HSD17B12: variants seen among roughly 807,000 people sequenced by gnomAD.
HSD17B12 encodes the protein very-long-chain 3-oxoacyl-CoA reductase.
HSD17B12 carries 32 observed loss-of-function variants against 39.3 expected under a neutral mutation model. That is an observed-to-expected ratio of 0.81 (90% CI 0.61 to 1.09). The LOEUF (loss-of-function observed/expected upper bound fraction) is 1.09, where lower values mean the gene tolerates loss of function less well. Ranked by LOEUF, HSD17B12 falls within the 50% of genes least tolerant of loss-of-function variation. The pLI, the probability that HSD17B12 is intolerant of heterozygous loss-of-function variation, is 0.00. For synonymous variants in HSD17B12, 150 were observed against 146.7 expected, an observed-to-expected ratio of 1.02 and a Z score of -0.16; for missense variants, 342 against 382.9, an observed-to-expected ratio of 0.89 and a Z score of 0.89.
chr11:43,586,262 G>A, the HSD17B12 span, among the ~76,000 whole-genome samples: 3 of 152,146 alleles, frequency 2.0e-5, no homozygotes, highest in Non-Finnish European at 2.9e-5. Context: ...AGCATTCTGG[G>A]GGCATCATGA....
At chr11:43,722,722 G>C (rs1047613327) in intron 1 of HSD17B12, among the ~76,000 whole-genome samples, 2 of 152,056 alleles carry the variant, frequency 1.3e-5, no homozygotes, top group Non-Finnish European at 2.9e-5. Context: ...GGTGTCAGGT[G>C]CCTGTAATCC....
chr11:43,662,622 G>T, the HSD17B12 span, among the ~76,000 whole-genome samples: 1 of 152,028 alleles, frequency 6.6e-6, no homozygotes, highest in Admixed American at 6.6e-5. Context: ...TAAAACAAGG[G>T]CAAAGTTGTA....
At chr11:43,796,808 T>C (rs1249885600) in intron 3 of HSD17B12, among the ~76,000 whole-genome samples, 2 of 150,112 alleles carry the variant, frequency 1.3e-5, no homozygotes, top group Non-Finnish European at 3.0e-5. Flanking sequence ...AAGTTTTTCA[T>C]TTAATCAAAG....
At chr11:43,636,878 G>T in the HSD17B12 span, among the ~76,000 whole-genome samples, 36 of 152,136 alleles carry the variant, frequency 2.4e-4, no homozygotes, top group Non-Finnish European at 3.1e-4. Flanking sequence ...GATAATCAGA[G>T]AATTTTCGAG....
chr11:43,805,848 T>C (rs1191428229), intron 4 of HSD17B12, among the ~76,000 whole-genome samples: 1 of 152,194 alleles, frequency 6.6e-6, no homozygotes, highest in East Asian at 1.9e-4. Context: ...CTTCAGACCA[T>C]CTACACTTTT....
chr11:43,612,498 G>T, the HSD17B12 span, among the ~76,000 whole-genome samples: 1 of 152,184 alleles, frequency 6.6e-6, no homozygotes. Flanking sequence ...GGGCTCATTT[G>T]TTCATTTGAC....
intron 1 of HSD17B12, among the ~76,000 whole-genome samples, chr11:43,706,440 G>T (rs1389634682): frequency 6.6e-6 from 1 of 152,100 alleles, no homozygotes; most frequent in African/African-American, 2.4e-5. Flanking sequence ...CTACTTTGGA[G>T]GCTGAGGTAG....
intron 4 of HSD17B12, among the ~76,000 whole-genome samples, chr11:43,811,377 C>T (rs1246390279): frequency 6.6e-6 from 1 of 152,110 alleles, no homozygotes; most frequent in Non-Finnish European, 1.5e-5. Flanking sequence ...TGTAGGAGTC[C>T]TAATCCCTAG....
chr11:43,722,599 C>T (rs1950185695), intron 1 of HSD17B12, among the ~76,000 whole-genome samples: 1 of 152,114 alleles, frequency 6.6e-6, no homozygotes, highest in African/African-American at 2.4e-5. Flanking sequence ...GTAATCCCAG[C>T]ACTTTGGGAG....
chr11:43,786,980 G>A (rs1014552690), intron 3 of HSD17B12, among the ~76,000 whole-genome samples: 4 of 152,126 alleles, frequency 2.6e-5, no homozygotes, highest in African/African-American at 9.7e-5. Flanking sequence ...GTCTTGCTCT[G>A]TTGCCCAGGC....
At chr11:43,780,367 C>T (rs1950753053) in intron 3 of HSD17B12, among the ~76,000 whole-genome samples, 1 of 152,040 alleles carries the variant, frequency 6.6e-6, no homozygotes, top group Non-Finnish European at 1.5e-5. Context: ...GGGGTTTCAC[C>T]ATGTTGACCA....
chr11:43,628,769 A>C, the HSD17B12 span, among the ~76,000 whole-genome samples: 1 of 151,812 alleles, frequency 6.6e-6, no homozygotes, highest in African/African-American at 2.4e-5. Context: ...TCAACTATAC[A>C]ATTTTTATTA....
At chr11:43,708,546 G>A (rs916004802) in intron 1 of HSD17B12, among the ~76,000 whole-genome samples, 1 of 152,134 alleles carries the variant, frequency 6.6e-6, no homozygotes, top group Admixed American at 6.5e-5. Flanking sequence ...CATTTTTGCT[G>A]AACATATAAA....
the HSD17B12 span, among the ~76,000 whole-genome samples, chr11:43,585,556 T>C: frequency 6.6e-6 from 1 of 152,232 alleles, no homozygotes; most frequent in African/African-American, 2.4e-5. Flanking sequence ...GCTACATGGA[T>C]TTTTGGAAAT....
the HSD17B12 span, among the ~76,000 whole-genome samples, chr11:43,651,566 T>TA: frequency 3.3e-5 from 5 of 152,298 alleles, no homozygotes; most frequent in South Asian, 1.0e-3. Flanking sequence ...AAATTGAAGT[T>TA]AAAAAAATCC....
the HSD17B12 span, among the ~76,000 whole-genome samples, chr11:43,657,482 G>A: frequency 6.6e-6 from 1 of 152,198 alleles, no homozygotes; most frequent in African/African-American, 2.4e-5. Flanking sequence ...AGTTGATGCA[G>A]TTTCTTCCTA....
At chr11:43,627,769 A>C in the HSD17B12 span, among the ~76,000 whole-genome samples, 1 of 151,910 alleles carries the variant, frequency 6.6e-6, no homozygotes, top group Admixed American at 6.6e-5. Flanking sequence ...CACTGGCAAA[A>C]TTTTCTTTTT....
At chr11:43,625,022 T>C in the HSD17B12 span, among the ~76,000 whole-genome samples, 1 of 151,804 alleles carries the variant, frequency 6.6e-6, no homozygotes, top group African/African-American at 2.4e-5. Context: ...ACATTAATTT[T>C]AATACTGCTC....
At chr11:43,838,506 T>G in intron 8 of HSD17B12, 108 bp downstream of exon 8, 1 of 819,602 alleles carries the variant, frequency 1.2e-6, no homozygotes, top group Non-Finnish European at 2.1e-6. Flanking sequence ...TTGGCAGTTT[T>G]CCAGTAGACT....
Sources: allele counts gnomAD v4.1 joint callset (sites outside exome capture counted in the v4.1 genomes callset), GRCh38; gene constraint gnomAD v4.1.1; transcripts MANE v1.5; gene names NCBI Gene and HGNC (gene_info 2026-07-23, HGNC 2026-07-21).